The following LHFPL4 variants were observed in gnomAD, a reference collection of about 807,000 sequenced individuals.
LHFPL4 encodes LHFPL tetraspan subfamily member 4 protein.
LHFPL4 carries 6 observed loss-of-function variants against 20.0 expected under a neutral mutation model. The observed-to-expected ratio is 0.30, with a 90% confidence interval of 0.16 to 0.59. The LOEUF is 0.59. Among genes scored for constraint, LHFPL4 ranks in the 20% least tolerant of loss-of-function variants. LHFPL4 has a pLI of 0.88. For synonymous variants in LHFPL4, 129 were observed against 143.8 expected (o/e 0.90, Z 0.74); for missense variants, 215 against 331.2 (o/e 0.65, Z 2.72).
At chr3:9,541,348 T>C (rs1178375516) in intron 2 of LHFPL4, among the ~76,000 whole-genome samples, 1 of 152,258 alleles carries the variant, frequency 6.6e-6, no homozygotes, top group Non-Finnish European at 1.5e-5. Flanking sequence ...TATAGTCAAT[T>C]GACATTTGAC....
chr3:9,507,832 G>A (rs1331740610), intron 2 of LHFPL4, among the ~76,000 whole-genome samples: 1 of 152,188 alleles, frequency 6.6e-6, no homozygotes, highest in African/African-American at 2.4e-5. Flanking sequence ...GCGTCACAGG[G>A]CAGTCAGAAC....
rs373365480 is a variant in LHFPL4, at chr3:9,503,232, G to A, written c.644-921C>T. Among the ~76,000 whole-genome samples, 11 of 152,180 alleles carry A rather than the reference G, an allele frequency of 7.2e-5. No homozygotes were observed. The East Asian group carries it at 1.4e-3, about 19-fold the overall frequency. The stretch of plus-strand genomic sequence containing the variant: ...CTGGACACTGAAGGGAGGAAAACTG[G>A]GGCTCCTTTACATTGATTTTTAACA... On this transcript the variant is annotated intron_variant, in intron 3 of 3. Transcript: ENST00000287585.
At chr3:9,553,513 G>A (rs1293223707) in intron 1 of LHFPL4, among the ~76,000 whole-genome samples, 172 bp downstream of exon 1, 1 of 151,380 alleles carries the variant, frequency 6.6e-6, no homozygotes, top group Admixed American at 6.6e-5. Context: ...GAAAGACCGG[G>A]GCCGGTGAGC....
chr3:9,503,784 G>T (rs757112861), intron 3 of LHFPL4, among the ~76,000 whole-genome samples: 3 of 152,244 alleles, frequency 2.0e-5, no homozygotes, highest in African/African-American at 7.2e-5. Flanking sequence ...TCAGCACTTT[G>T]GGAGGCCAAG....
chr3:9,514,161 G>T (rs1469514253), intron 2 of LHFPL4, among the ~76,000 whole-genome samples: 3 of 152,156 alleles, frequency 2.0e-5, no homozygotes, highest in African/African-American at 7.2e-5. Context: ...TAAAAAGAAG[G>T]TTAGTAGTGG....
chr3:9,549,859 C>T (rs1444578551), intron 2 of LHFPL4, among the ~76,000 whole-genome samples: 1 of 152,126 alleles, frequency 6.6e-6, no homozygotes, highest in Non-Finnish European at 1.5e-5. Flanking sequence ...GTCCCAGGAT[C>T]CCCACAGGGC....
At chr3:9,533,131 G>C (rs538249416) in intron 2 of LHFPL4, among the ~76,000 whole-genome samples, 16 of 152,316 alleles carry the variant, frequency 1.1e-4, no homozygotes, top group African/African-American at 3.8e-4. Context: ...AGGTATTACA[G>C]TCTCCAAAAG....
rs1226236801 is a variant in LHFPL4 at position 9,501,291 on chromosome 3, TCCACACCCCCAA to T, written c.*908_*919del. ...CCAACTCCCCACCTCTGGGGTCCCC[TCCACACCCCCAA>T]CCCTGACAACAGGGCCAAGAAGTCT... On this transcript the variant is annotated 3_prime_UTR_variant, in exon 4 of 4. Coordinates refer to ENST00000287585, the MANE Select transcript of LHFPL4 (RefSeq NM_198560.3). The T allele has an allele frequency of 6.6e-6, 1 of 152,660 alleles. No homozygotes were observed. Among genetic ancestry groups the T allele is most frequent in the African/African-American group, 2.4e-5 (1 of 41,406 alleles). 9.5% of individuals were successfully genotyped at this position (152,660 alleles called of 1,614,324 possible).
At chr3:9,514,548 G>GTGT (rs2046284923) in intron 2 of LHFPL4, among the ~76,000 whole-genome samples, 1 of 152,168 alleles carries the variant, frequency 6.6e-6, no homozygotes, top group Non-Finnish European at 1.5e-5. Flanking sequence ...ATTACTCCTG[G>GTGT]TGTTGTACGT....
At position 9,506,070 on chromosome 3, in the gene LHFPL4, G is replaced by A; in HGVS notation, c.540C>T (p.Ala180=). The A allele has an allele frequency of 5.6e-6, 9 of 1,614,158 alleles. No individual in the cohort carries two copies. Among genetic ancestry groups the A allele is most frequent in the Non-Finnish European group, 7.6e-6 (9 of 1,180,026 alleles). The part of the protein sequence containing the change: ...DCSVRWAYIL[A]IIGILNALIL... Reference sequence around the variant, plus strand: ...TGAGGGCGTTGAGGATGCCGATGATGGCCAGGATGTATGCCCAGCGCACTG... The same window carrying A: ...TGAGGGCGTTGAGGATGCCGATGATAGCCAGGATGTATGCCCAGCGCACTG... The change falls in exon 3 of 4, where the codon GCC becomes GCT. Residue 180 remains alanine, a synonymous_variant. Coordinates refer to ENST00000287585, the MANE Select transcript of LHFPL4 (RefSeq NM_198560.3). This position sits in a 1 kb window ranked among gnomAD's most constrained non-coding sequence, Gnocchi z 4.5.
chr3:9,528,286 A>G (rs905966935), intron 2 of LHFPL4, among the ~76,000 whole-genome samples: 9 of 152,174 alleles, frequency 5.9e-5, no homozygotes, highest in African/African-American at 1.4e-4. Context: ...TTTATGTAAT[A>G]TTTTAAATCT....
At chr3:9,504,752 G>A (rs1417907574) in intron 3 of LHFPL4, among the ~76,000 whole-genome samples, 1 of 151,102 alleles carries the variant, frequency 6.6e-6, no homozygotes, top group Admixed American at 6.6e-5. Context: ...GTGAACCCGG[G>A]AGGTGGAGCT....
rs1575655422 is a variant in LHFPL4 at position 9,501,718 on chromosome 3, A to G, written c.*493T>C. The G allele has an allele frequency of 6.5e-6, 1 of 153,452 alleles. No homozygotes were observed. Among genetic ancestry groups the G allele is most frequent in the Non-Finnish European group, 1.4e-5 (1 of 69,230 alleles). 9.5% of individuals were successfully genotyped at this position (153,452 alleles called of 1,614,324 possible). On this transcript the variant is annotated 3_prime_UTR_variant, in exon 4 of 4. Coordinates refer to ENST00000287585, the MANE Select transcript of LHFPL4 (RefSeq NM_198560.3). ...TGGAGCTTTGTGGCAGATGTGGTGG[A>G]ACCAACATCAGCCAAAAAAGAAAAA...
intron 2 of LHFPL4, among the ~76,000 whole-genome samples, chr3:9,550,160 C>T (rs1212611356): frequency 1.3e-5 from 2 of 152,208 alleles, no homozygotes; most frequent in African/African-American, 4.8e-5. Flanking sequence ...CAGCCAAGAA[C>T]CCCCACCCCA....
At chr3:9,539,288 G>C (rs571893370) in intron 2 of LHFPL4, among the ~76,000 whole-genome samples, 1 of 151,540 alleles carries the variant, frequency 6.6e-6, no homozygotes, top group South Asian at 2.1e-4. Context: ...ACTCCATCTC[G>C]ACTAAAAAAT....
rs75887447 is a variant in LHFPL4, at chr3:9,500,940, AACACACAC to A, written c.*1263_*1270del. 3 of 151,074 alleles carry A rather than the reference AACACACAC, an allele frequency of 2.0e-5. No homozygotes were observed. Among genetic ancestry groups the A allele is most frequent in the African/African-American group, 4.9e-5 (2 of 41,190 alleles). The allele number at this position is 151,074 out of a possible 1,614,324, so 9.4% of individuals were successfully genotyped here. On this transcript the variant is annotated 3_prime_UTR_variant, in exon 4 of 4. Coordinates refer to ENST00000287585, the MANE Select transcript of LHFPL4 (RefSeq NM_198560.3). ...GGGAGAAACTTCTCACCTGTCCCCC[AACACACAC>A]ACACACACACACGCTCACACGCGCA...
chr3:9,536,369 T>G (rs1298158946), intron 2 of LHFPL4, among the ~76,000 whole-genome samples: 1 of 152,074 alleles, frequency 6.6e-6, no homozygotes, highest in East Asian at 1.9e-4. Context: ...TCCTAGGAGG[T>G]GACTCCTGTC....
At chr3:9,521,475 C>T (rs2046337319) in intron 2 of LHFPL4, among the ~76,000 whole-genome samples, 1 of 151,710 alleles carries the variant, frequency 6.6e-6, no homozygotes, top group Non-Finnish European at 1.5e-5. Flanking sequence ...GATCTCAGCT[C>T]ACTGCAAGCT....
At chr3:9,513,081 T>C (rs779630134) in intron 2 of LHFPL4, among the ~76,000 whole-genome samples, 57 of 151,980 alleles carry the variant, frequency 3.8e-4, no homozygotes, top group Non-Finnish European at 6.9e-4. Flanking sequence ...TGCCTCAGCC[T>C]CCCGAGTAGC....
Sources: gnomAD v4.1 joint callset for allele counts (sites outside exome capture counted in the v4.1 genomes callset) on GRCh38, gnomAD v4.1.1 for gene constraint, Gnocchi (gnomAD v3.1) non-coding constraint, MANE v1.5 for transcripts, NCBI Gene and HGNC (gene_info 2026-07-23, HGNC 2026-07-21) for gene names.